Variants in CNTNAP2 observed in about 807,000 individuals in gnomAD.
CNTNAP2 encodes the protein contactin associated protein 2.
CNTNAP2 carries 98 observed loss-of-function variants against 155.2 expected under a neutral mutation model. The observed-to-expected ratio is 0.63, with a 90% CI of 0.54 to 0.75. The LOEUF (loss-of-function observed/expected upper bound fraction) is 0.75. Among genes scored for constraint, CNTNAP2 ranks in the 30% least tolerant of loss-of-function variants. The pLI, the probability that CNTNAP2 is intolerant of heterozygous loss-of-function variation, is 0.00. For synonymous variants in CNTNAP2, 651 were observed against 631.2 expected (o/e 1.03, Z -0.47); for missense variants, 1,727 against 1,688.1 (o/e 1.02, Z -0.40).
intron 5 of CNTNAP2, among the ~76,000 whole-genome samples, chr7:147,119,563 C>A (rs994083317): frequency 1.3e-5 from 2 of 152,168 alleles, no homozygotes; most frequent in African/African-American, 4.8e-5. Context: ...CTCCTCTTGT[C>A]CCTCTCCTTT....
chr7:146,832,048 T>C (rs1803523021), intron 2 of CNTNAP2, among the ~76,000 whole-genome samples: 1 of 152,232 alleles, frequency 6.6e-6, no homozygotes. Context: ...CCCTGGCTAC[T>C]CTAATCAACA....
At chr7:147,583,942 C>A (rs10230213) in intron 12 of CNTNAP2, among the ~76,000 whole-genome samples, 17,274 of 151,948 alleles carry the variant, frequency 0.11, 2,454 homozygotes, top group African/African-American at 0.33. Flanking sequence ...GCACTTGTAT[C>A]AAAACTTGAA....
chr7:147,235,384 T>G, intron 8 of CNTNAP2, among the ~76,000 whole-genome samples: 3 of 83,222 alleles, frequency 3.6e-5, no homozygotes, highest in African/African-American at 1.1e-4. Flanking sequence ...GTGTGTGTAT[T>G]TACATATACA....
chr7:146,940,753 A>G (rs1797038238), intron 3 of CNTNAP2, among the ~76,000 whole-genome samples: 1 of 151,500 alleles, frequency 6.6e-6, no homozygotes, highest in Non-Finnish European at 1.5e-5. Flanking sequence ...ACACTGCACT[A>G]TATATATATA....
chr7:146,755,585 C>A (rs919296695), intron 1 of CNTNAP2, among the ~76,000 whole-genome samples: 11 of 151,924 alleles, frequency 7.2e-5, no homozygotes, highest in African/African-American at 2.7e-4. Context: ...ATAAGTGGAA[C>A]TTAGAAAAAT....
At chr7:148,091,149 G>C (rs184089197) in intron 15 of CNTNAP2, among the ~76,000 whole-genome samples, 3 of 152,196 alleles carry the variant, frequency 2.0e-5, no homozygotes, top group African/African-American at 7.2e-5. Flanking sequence ...GAGATCTATT[G>C]TACATCATAG....
chr7:146,653,929 A>G (rs1799955722), intron 1 of CNTNAP2, among the ~76,000 whole-genome samples: 3 of 152,120 alleles, frequency 2.0e-5, no homozygotes, highest in Admixed American at 1.3e-4. Flanking sequence ...TGGACTCTTT[A>G]GTGCTTTATT....
intron 8 of CNTNAP2, among the ~76,000 whole-genome samples, chr7:147,166,508 C>T (rs1436310368): frequency 6.6e-6 from 1 of 152,182 alleles, no homozygotes. Flanking sequence ...ACTCATGTAC[C>T]AAATACCAGC....
At chr7:146,204,297 A>C (rs1798912811) in intron 1 of CNTNAP2, among the ~76,000 whole-genome samples, 1 of 152,170 alleles carries the variant, frequency 6.6e-6, no homozygotes, top group African/African-American at 2.4e-5. Flanking sequence ...AGTGATCAAA[A>C]TGTTCTGTGC....
At chr7:147,071,873 C>T (rs555615267) in intron 4 of CNTNAP2, among the ~76,000 whole-genome samples, 1 of 152,186 alleles carries the variant, frequency 6.6e-6, no homozygotes, top group Non-Finnish European at 1.5e-5. Flanking sequence ...TAATAACAAT[C>T]ATTGATTCAG....
At chr7:147,604,145 T>A (rs961761289) in intron 12 of CNTNAP2, among the ~76,000 whole-genome samples, 3 of 152,010 alleles carry the variant, frequency 2.0e-5, no homozygotes, top group African/African-American at 7.3e-5. Context: ...GGCATTACCA[T>A]TCAGGACATA....
chr7:146,247,807 GA>G (rs775232949), intron 1 of CNTNAP2, among the ~76,000 whole-genome samples: 5 of 150,572 alleles, frequency 3.3e-5, no homozygotes, highest in Non-Finnish European at 7.4e-5. Flanking sequence ...GGCTAAAGGA[GA>G]AGAAGGAGGA....
chr7:146,317,712 T>C lies in CNTNAP2; in HGVS notation c.97+200739T>C, dbSNP rs532539093. Among the ~76,000 whole-genome samples, 10 of 152,370 alleles carry C rather than the reference T, an allele frequency of 6.6e-5. No individual in the cohort carries two copies. In the East Asian group the frequency reaches 1.9e-3, roughly 29 times the overall value. ...TCAAAGCATGCTATGCAATTACTGATGCTGTCATATTGGCAGAAAGAATAC... is the reference window on the plus strand; with the variant it reads ...TCAAAGCATGCTATGCAATTACTGACGCTGTCATATTGGCAGAAAGAATAC... On this transcript the variant is annotated intron_variant, in intron 1 of 23. Coordinates refer to ENST00000361727, the MANE Select transcript of CNTNAP2 (RefSeq NM_014141.6).
chr7:147,104,685 T>A (rs1029284005), intron 4 of CNTNAP2, among the ~76,000 whole-genome samples: 1 of 150,898 alleles, frequency 6.6e-6, no homozygotes, highest in Admixed American at 6.6e-5. Flanking sequence ...TCAAATTATA[T>A]ATTCTTTTAT....
chr7:147,840,099 A>G (rs1798704655), intron 13 of CNTNAP2, among the ~76,000 whole-genome samples: 1 of 152,122 alleles, frequency 6.6e-6, no homozygotes, highest in Admixed American at 6.6e-5. Flanking sequence ...CTCACTTATA[A>G]GTAGGAGCTA....
chr7:147,356,262 A>T (rs143529203), intron 9 of CNTNAP2, among the ~76,000 whole-genome samples: 1 of 152,150 alleles, frequency 6.6e-6, no homozygotes, highest in Non-Finnish European at 1.5e-5. Flanking sequence ...CTCTCAATAA[A>T]GTAGGTATTG....
chr7:148,172,948 G>T lies in CNTNAP2; in HGVS notation c.3010+470G>T, dbSNP rs76830829. On this transcript the variant is annotated intron_variant, in intron 18 of 23. Transcript: ENST00000361727. ...GGATTCAAGCTACACTCACCAGAAA[G>T]CTCCTCTGGTCAGTCATTAACATCA... Among the ~76,000 whole-genome samples the T allele has an allele frequency of 6.8e-3, 1,032 of 152,234 alleles. 7 individuals are homozygous for T. The highest frequency in any genetic ancestry group is 0.021 in the African/African-American group (873 of 41,528).
At chr7:146,122,290 T>C (rs1283980300) in intron 1 of CNTNAP2, among the ~76,000 whole-genome samples, 1 of 152,206 alleles carries the variant, frequency 6.6e-6, no homozygotes, top group Non-Finnish European at 1.5e-5. Flanking sequence ...CGAAGAGCCT[T>C]ATGGTGTTCG....
intron 1 of CNTNAP2, among the ~76,000 whole-genome samples, chr7:146,538,885 C>A (rs117736986): frequency 0.011 from 1,706 of 152,032 alleles, 36 homozygotes; most frequent in South Asian, 0.013. Context: ...TCTAAGTTAT[C>A]AAAAGTCTGA....
Sources: gnomAD v4.1 joint callset for allele counts (sites outside exome capture counted in the v4.1 genomes callset) on GRCh38, gnomAD v4.1.1 for gene constraint, MANE v1.5 for transcripts, NCBI Gene and HGNC (gene_info 2026-07-23, HGNC 2026-07-21) for gene names.